Variants in KDM4C observed in about 807,000 individuals in gnomAD.
The protein encoded by KDM4C is lysine demethylase 4C.
In KDM4C, 81 loss-of-function variants were observed where a neutral mutation model predicts 129.3. That is an observed-to-expected ratio of 0.63 (90% confidence interval 0.52 to 0.75). KDM4C has a LOEUF of 0.75. Ranked by LOEUF, KDM4C falls within the 30% of genes least tolerant of loss-of-function variation. The pLI is 0.00. For synonymous variants in KDM4C, 573 were observed against 456.1 expected (o/e 1.26, Z -3.26); for missense variants, 1,457 against 1,304.0 (o/e 1.12, Z -1.81).
At chr9:6,941,035 CTTT>C (rs34567518) in intron 8 of KDM4C, among the ~76,000 whole-genome samples, 12 of 145,160 alleles carry the variant, frequency 8.3e-5, no homozygotes, top group South Asian at 2.2e-4. Context: ...GCATCTCTTC[CTTT>C]TTTTTTTTTT....
intron 17 of KDM4C, among the ~76,000 whole-genome samples, chr9:7,059,802 A>C (rs1206882668): frequency 6.6e-6 from 1 of 152,212 alleles, no homozygotes; most frequent in Non-Finnish European, 1.5e-5. Context: ...TGTTTTAGAA[A>C]ATATGGTTAT....
At chr9:6,785,996 C>G (rs551659615) in intron 1 of KDM4C, among the ~76,000 whole-genome samples, 1 of 152,314 alleles carries the variant, frequency 6.6e-6, no homozygotes, top group South Asian at 2.1e-4. Context: ...TCCTAGAGGG[C>G]TGTGTTTTAA....
At chr9:7,152,449 GA>G (rs35823072) in intron 19 of KDM4C, among the ~76,000 whole-genome samples, 10 of 152,182 alleles carry the variant, frequency 6.6e-5, no homozygotes, top group African/African-American at 2.4e-4. Flanking sequence ...ATATGTCCAC[GA>G]AAGAAATATT....
At chr9:6,857,500 A>G (rs1588730129) in intron 5 of KDM4C, among the ~76,000 whole-genome samples, 1 of 152,152 alleles carries the variant, frequency 6.6e-6, no homozygotes, top group Non-Finnish European at 1.5e-5. Flanking sequence ...GCCCCAAAAC[A>G]TTGATCTCTG....
intron 5 of KDM4C, 104 bp downstream of exon 5, chr9:6,849,804 A>G: frequency 1.1e-6 from 1 of 920,968 alleles, no homozygotes; most frequent in South Asian, 1.7e-5. Context: ...ATTCAGATTT[A>G]TGTGAGCTGT....
At chr9:7,130,414 A>G (rs542914135) in intron 19 of KDM4C, among the ~76,000 whole-genome samples, 22 of 152,328 alleles carry the variant, frequency 1.4e-4, no homozygotes, top group Non-Finnish European at 3.2e-4. Flanking sequence ...AAATCCTGCA[A>G]GTCTTTCCTT....
intron 4 of KDM4C, among the ~76,000 whole-genome samples, chr9:6,815,775 A>G (rs1831971226): frequency 6.6e-6 from 1 of 152,184 alleles, no homozygotes; most frequent in Non-Finnish European, 1.5e-5. Flanking sequence ...AAAATGGGGA[A>G]AAATCTGACA....
intron 1 of KDM4C, chr9:6,721,189 C>G (rs1816936048): frequency 6.6e-6 from 3 of 456,756 alleles, no homozygotes; most frequent in Non-Finnish European, 7.8e-6. Context: ...TTCTCCCACC[C>G]CAGTCTTCCC....
At chr9:6,806,972 C>T (rs1483805512) in intron 3 of KDM4C, among the ~76,000 whole-genome samples, 1 of 152,124 alleles carries the variant, frequency 6.6e-6, no homozygotes, top group Non-Finnish European at 1.5e-5. Flanking sequence ...TGTACTGCTG[C>T]CATCTCCGCT....
At chr9:7,164,425 A>G (rs556881913) in intron 19 of KDM4C, among the ~76,000 whole-genome samples, 2 of 151,842 alleles carry the variant, frequency 1.3e-5, no homozygotes, top group African/African-American at 2.4e-5. Flanking sequence ...GGAGGTGGCA[A>G]TATGAAACAG....
chr9:6,918,064 G>A (rs1820653307), intron 8 of KDM4C, among the ~76,000 whole-genome samples: 1 of 152,180 alleles, frequency 6.6e-6, no homozygotes, highest in South Asian at 2.1e-4. Flanking sequence ...GTGCAGGTTT[G>A]TTACATTGGT....
chr9:6,840,456 G>A (rs575834557), intron 4 of KDM4C, among the ~76,000 whole-genome samples: 2 of 152,030 alleles, frequency 1.3e-5, no homozygotes, highest in South Asian at 2.1e-4. Flanking sequence ...GAGTGCAGTG[G>A]TGGGATCTTG....
Position 6,981,092 on chromosome 9 carries a change from G to A in KDM4C, c.1089G>A (p.Arg363=), listed in dbSNP as rs764873451. The A allele has an allele frequency of 6.2e-7, 1 of 1,612,280 alleles. No individual in the cohort carries two copies. The highest frequency in any genetic ancestry group is 1.1e-5 in the South Asian group (1 of 90,852). ...AAGTAAAAGCATGGCTGCAGAGGAG[G>A]AGGAAAGTAAGAAAAGCATCCCGAA... ...TPEVKAWLQR[R]RKVRKASRSF... is the part of the protein sequence containing the mutation. Residue 363 remains arginine (R), a synonymous_variant, in exon 9 of 22, where the codon AGG becomes AGA. Coordinates refer to ENST00000381309, the MANE Select transcript of KDM4C (RefSeq NM_015061.6).
chr9:6,746,098 G>C (rs893517640), intron 1 of KDM4C, among the ~76,000 whole-genome samples: 5 of 151,442 alleles, frequency 3.3e-5, no homozygotes, highest in African/African-American at 1.2e-4. Context: ...GAGCCACCGC[G>C]CCCAGCATAC....
intron 19 of KDM4C, among the ~76,000 whole-genome samples, chr9:7,147,560 T>G (rs1335086320): frequency 6.6e-6 from 1 of 152,146 alleles, no homozygotes; most frequent in African/African-American, 2.4e-5. Flanking sequence ...CCAACAACAA[T>G]AAAAAAGGGG....
intron 1 of KDM4C, among the ~76,000 whole-genome samples, chr9:6,778,209 C>T (rs1823510931): frequency 6.6e-6 from 1 of 151,630 alleles, no homozygotes; most frequent in Admixed American, 6.6e-5. Context: ...CCTGCCTCAA[C>T]CTTCTGAGTA....
chr9:6,738,117 G>C (rs1029767019), intron 1 of KDM4C, among the ~76,000 whole-genome samples: 1 of 147,354 alleles, frequency 6.8e-6, no homozygotes, highest in East Asian at 2.0e-4. Context: ...TGGGCAACAA[G>C]ACCAAAACTC....
chr9:6,816,523 A>T (rs1254834613), intron 4 of KDM4C, among the ~76,000 whole-genome samples: 1 of 152,202 alleles, frequency 6.6e-6, no homozygotes, highest in Non-Finnish European at 1.5e-5. Context: ...AGAATCATTC[A>T]GTGTGCATTC....
At chr9:6,943,018 A>G (rs892437487) in intron 8 of KDM4C, among the ~76,000 whole-genome samples, 1 of 151,872 alleles carries the variant, frequency 6.6e-6, no homozygotes, top group African/African-American at 2.4e-5. Flanking sequence ...GCCATGTGCC[A>G]CCTTGCCCGC....
Sources: gnomAD v4.1 joint callset for allele counts (sites outside exome capture counted in the v4.1 genomes callset) on GRCh38, gnomAD v4.1.1 for gene constraint, MANE v1.5 for transcripts, NCBI Gene and HGNC (gene_info 2026-07-23, HGNC 2026-07-21) for gene names.